Variants in RNLS observed in about 807,000 individuals in gnomAD.
RNLS encodes the protein renalase.
Under a neutral mutation model 39.8 loss-of-function variants are expected in RNLS, and 39 were observed. That is an observed-to-expected ratio of 0.98 (90% confidence interval 0.76 to 1.28). The LOEUF (loss-of-function observed/expected upper bound fraction) is 1.28, where lower values mean the gene tolerates loss of function less well. Ranked by LOEUF, RNLS falls within the 50% of genes most tolerant of loss-of-function variation. RNLS has a pLI of 0.00. For missense variants in RNLS, 410 were observed against 413.3 expected (o/e 0.99, Z 0.07); for synonymous variants, 147 against 150.7 (o/e 0.98, Z 0.18).
intron 4 of RNLS, among the ~76,000 whole-genome samples, chr10:88,450,868 A>C (rs1388699790): frequency 6.6e-6 from 1 of 152,228 alleles, no homozygotes; most frequent in Non-Finnish European, 1.5e-5. Flanking sequence ...TATAAATAAC[A>C]ACAAACAGGA....
At chr10:88,541,175 A>C (rs1463220204) in intron 4 of RNLS, among the ~76,000 whole-genome samples, 1 of 152,188 alleles carries the variant, frequency 6.6e-6, no homozygotes, top group Non-Finnish European at 1.5e-5. Flanking sequence ...TCAGAATGGA[A>C]CATAAATCAA....
At chr10:88,277,620 C>A (rs868526518) in intron 6 of RNLS, among the ~76,000 whole-genome samples, 7 of 152,282 alleles carry the variant, frequency 4.6e-5, no homozygotes, top group African/African-American at 7.2e-5. Flanking sequence ...ACTTATTTCT[C>A]ATCAATCTAA....
Position 88,368,856 on chromosome 10 carries a change from C to A in RNLS, c.527-6131G>T, listed in dbSNP as rs1298318228. ...TAAATAGATTTTCAGAAACACTATA[C>A]CAATTTATAGTTTCTATTAGTGGTA... On this transcript the variant is annotated intron_variant, in intron 4 of 6. Coordinates refer to ENST00000331772, the MANE Select transcript of RNLS (RefSeq NM_001031709.3). Among the ~76,000 whole-genome samples the A allele has an allele frequency of 2.6e-5, 4 of 152,000 alleles. No homozygotes were observed. In the South Asian group the frequency reaches 8.3e-4, roughly 32 times the overall value.
intron 4 of RNLS, among the ~76,000 whole-genome samples, chr10:88,517,311 A>G (rs1846459598): frequency 6.6e-6 from 1 of 151,914 alleles, no homozygotes; most frequent in Non-Finnish European, 1.5e-5. Flanking sequence ...TTTACCACAT[A>G]CTTATTTGAT....
intron 6 of RNLS, among the ~76,000 whole-genome samples, chr10:88,309,932 G>A (rs111645040): frequency 6.6e-6 from 1 of 152,272 alleles, no homozygotes; most frequent in African/African-American, 2.4e-5. Context: ...TACTGTTTGC[G>A]GCCAGGTGTG....
chr10:88,348,572 T>C (rs2133267194), intron 5 of RNLS, among the ~76,000 whole-genome samples: 2 of 152,304 alleles, frequency 1.3e-5, no homozygotes, highest in South Asian at 4.1e-4. Flanking sequence ...ATCTGTAATT[T>C]GGACTTGTTT....
the RNLS span, among the ~76,000 whole-genome samples, chr10:88,229,850 C>A: frequency 1.3e-5 from 2 of 151,968 alleles, no homozygotes; most frequent in Non-Finnish European, 2.9e-5. Flanking sequence ...GTACCTTATT[C>A]TTTTTTATTG....
the RNLS span, among the ~76,000 whole-genome samples, chr10:88,224,425 T>C: frequency 2.0e-5 from 3 of 152,158 alleles, no homozygotes; most frequent in Non-Finnish European, 4.4e-5. Flanking sequence ...TGAGAAGATA[T>C]GAGAAAGACC....
chr10:88,480,352 T>C (rs1257035479), intron 4 of RNLS, among the ~76,000 whole-genome samples: 1 of 152,254 alleles, frequency 6.6e-6, no homozygotes. Context: ...TATTGTTTCC[T>C]GAGATTCTTA....
At chr10:88,350,296 T>C (rs995874793) in intron 5 of RNLS, among the ~76,000 whole-genome samples, 1 of 152,150 alleles carries the variant, frequency 6.6e-6, no homozygotes, top group Non-Finnish European at 1.5e-5. Flanking sequence ...GTTTGTTACA[T>C]ATGTATACAT....
chr10:88,264,462 C>A, the RNLS span, among the ~76,000 whole-genome samples: 2 of 151,996 alleles, frequency 1.3e-5, no homozygotes, highest in Non-Finnish European at 2.9e-5. Flanking sequence ...TCTCTTTTCA[C>A]CACATCCCCA....
At chr10:88,226,868 C>CT in the RNLS span, among the ~76,000 whole-genome samples, 14 of 146,100 alleles carry the variant, frequency 9.6e-5, no homozygotes, top group Non-Finnish European at 1.8e-4. Context: ...AGCAAAATGT[C>CT]TTTTTTTTCC....
At chr10:88,201,059 C>T in the RNLS span, among the ~76,000 whole-genome samples, 1 of 150,056 alleles carries the variant, frequency 6.7e-6, no homozygotes, top group Non-Finnish European at 1.5e-5. Flanking sequence ...ACAGTGTCTT[C>T]ATGTCCCTGA....
the RNLS span, among the ~76,000 whole-genome samples, chr10:88,182,022 C>A: frequency 1.3e-3 from 198 of 152,270 alleles, 1 homozygote; most frequent in African/African-American, 4.4e-3. Context: ...GCTCTTCAAA[C>A]ACCACTTATG....
rs138253467 is a variant in RNLS, at chr10:88,312,085, A to G, written c.876+2381T>C. Among the ~76,000 whole-genome samples, 418 of 152,364 alleles carry G rather than the reference A, an allele frequency of 2.7e-3. 2 individuals carry two copies. The highest frequency in any genetic ancestry group is 8.5e-3 in the African/African-American group (353 of 41,588). Reference sequence around the variant, plus strand: ...AGTAATGCCCCTACCACAGACATCCATGTCTTAATCCCTGGAACCTACAAA... The same window carrying G: ...AGTAATGCCCCTACCACAGACATCCGTGTCTTAATCCCTGGAACCTACAAA... On this transcript the variant is annotated intron_variant, in intron 6 of 6. Coordinates refer to ENST00000331772, the MANE Select transcript of RNLS (RefSeq NM_001031709.3).
intron 5 of RNLS, among the ~76,000 whole-genome samples, chr10:88,345,400 C>A (rs1262692399): frequency 6.6e-6 from 1 of 152,098 alleles, no homozygotes; most frequent in Non-Finnish European, 1.5e-5. Flanking sequence ...ATAAAAAGAA[C>A]TGCATCTAAC....
the RNLS span, among the ~76,000 whole-genome samples, chr10:88,175,867 C>A: frequency 1.8e-4 from 28 of 152,120 alleles, no homozygotes; most frequent in Non-Finnish European, 2.6e-4. Flanking sequence ...GTATTGGAGT[C>A]TATTTCTACC....
intron 4 of RNLS, among the ~76,000 whole-genome samples, chr10:88,539,136 G>A (rs570489707): frequency 1.3e-5 from 2 of 152,254 alleles, no homozygotes; most frequent in South Asian, 4.1e-4. Context: ...CAATTTTAGA[G>A]AGGGAGAATA....
At position 88,334,245 on chromosome 10, in the gene RNLS, A is replaced by T. The variant is rs553982677; in HGVS notation, c.701-19604T>A. 3.3e-5 allele frequency among the ~76,000 whole-genome samples: 5 copies of T among 152,326 alleles called. No individual in the cohort carries two copies. In the South Asian group the frequency reaches 1.0e-3, roughly 32 times the overall value. ...TTCTTAACACTGGGTAATGTTTGCT[A>T]ATCTGTTAGTTTAAAACATATCTTA... On this transcript the variant is annotated intron_variant, in intron 5 of 6. Coordinates refer to ENST00000331772, the MANE Select transcript of RNLS (RefSeq NM_001031709.3).
Sources: gnomAD v4.1 joint callset for allele counts (sites outside exome capture counted in the v4.1 genomes callset) on GRCh38, gnomAD v4.1.1 for gene constraint, MANE v1.5 for transcripts, NCBI Gene and HGNC (gene_info 2026-07-23, HGNC 2026-07-21) for gene names.